The following NEK11 variants were observed in gnomAD, a reference collection of about 807,000 sequenced individuals.
The protein encoded by NEK11 is serine/threonine-protein kinase Nek11.
In NEK11, 72 loss-of-function variants were observed where a neutral mutation model predicts 80.7. That is an observed-to-expected ratio of 0.89 (90% confidence interval 0.74 to 1.08). NEK11 has a LOEUF of 1.08. Among genes scored for constraint, NEK11 ranks in the 50% least tolerant of loss-of-function variants. The pLI, the probability that NEK11 is intolerant of heterozygous loss-of-function variation, is 0.00. For synonymous variants in NEK11, 251 were observed against 260.7 expected (o/e 0.96, Z 0.36); for missense variants, 764 against 763.6 (o/e 1.00, Z -0.01).
chr3:131,165,426 A>G lies in NEK11; in HGVS notation c.1083A>G (p.Lys361=), dbSNP rs924058136. The G allele has an allele frequency of 3.1e-6, 5 of 1,590,472 alleles. No individual in the cohort carries two copies. The highest frequency in any genetic ancestry group is 4.5e-5 in the East Asian group (2 of 44,744). Reference sequence around the variant, plus strand: ...TTCTACATTCACTTTAAATTTACAGAAAGATTGTGGAAGAAAAATATGAAG... The same window carrying G: ...TTCTACATTCACTTTAAATTTACAGGAAGATTGTGGAAGAAAAATATGAAG... The part of the protein sequence containing the change: ...QAADEKARKL[K]KIVEEKYEEN... The change falls in exon 12 of 18, where the codon AAA becomes AAG. Residue 361 remains lysine (K), a splice_region_variant and synonymous_variant. Coordinates refer to ENST00000383366, the MANE Select transcript of NEK11 (RefSeq NM_024800.5).
At chr3:131,141,125 C>T (rs2086802022) in intron 7 of NEK11, among the ~76,000 whole-genome samples, 1 of 152,046 alleles carries the variant, frequency 6.6e-6, no homozygotes, top group Admixed American at 6.6e-5. Flanking sequence ...TAGCTCATAC[C>T]TTTAGCCTTA....
At chr3:131,163,927 T>C (rs1385871067) in intron 11 of NEK11, among the ~76,000 whole-genome samples, 1 of 152,202 alleles carries the variant, frequency 6.6e-6, no homozygotes, top group Non-Finnish European at 1.5e-5. Context: ...ATTTTTCTTA[T>C]TTTTTCTTCC....
Position 131,132,782 on chromosome 3 carries a change from T to G in NEK11, c.493T>G (p.Phe165Val). ...LHRDLKSKNV[F>V]LKNNLLKIGD... Reference sequence around the variant, plus strand: ...TCGAGACTTAAAGTCAAAGAATGTATTTCTGAAAAATAATCTCCTTAAAAT... The same window carrying G: ...TCGAGACTTAAAGTCAAAGAATGTAGTTCTGAAAAATAATCTCCTTAAAAT... Residue 165 changes from phenylalanine to valine, a missense_variant, in exon 6 of 18, where the codon TTT becomes GTT. Phe to Val is a conservative substitution (Grantham distance 50, BLOSUM62 -1). Transcript: ENST00000383366. 1 of 1,532,248 alleles carries G rather than the reference T, an allele frequency of 6.5e-7. No individual in the cohort carries two copies. The highest frequency in any genetic ancestry group is 1.4e-5 in the African/African-American group (1 of 72,256). 94.9% of individuals were successfully genotyped at this position (1,532,248 alleles called of 1,614,324 possible). A position where few individuals can be genotyped will look rare whatever the true frequency, so the allele number is the denominator to read the frequency against.
At chr3:131,247,444 T>C (rs992564593) in intron 16 of NEK11, among the ~76,000 whole-genome samples, 1 of 152,192 alleles carries the variant, frequency 6.6e-6, no homozygotes, top group African/African-American at 2.4e-5. Flanking sequence ...TATGGCTTTA[T>C]TTCTGGATTC....
chr3:131,032,746 T>C (rs1442970303), intron 3 of NEK11, among the ~76,000 whole-genome samples: 1 of 152,250 alleles, frequency 6.6e-6, no homozygotes, highest in Non-Finnish European at 1.5e-5. Context: ...CTCATAGGAT[T>C]GTAATAAGAA....
intron 17 of NEK11, among the ~76,000 whole-genome samples, chr3:131,287,852 T>G (rs1320609236): frequency 6.6e-6 from 1 of 152,174 alleles, no homozygotes; most frequent in Non-Finnish European, 1.5e-5. Flanking sequence ...AAGGCTGAGA[T>G]TTTGGTTTGC....
At chr3:131,288,965 C>G (rs1481256376) in intron 17 of NEK11, among the ~76,000 whole-genome samples, 1 of 152,168 alleles carries the variant, frequency 6.6e-6, no homozygotes, top group Non-Finnish European at 1.5e-5. Flanking sequence ...ACATTCCTTT[C>G]CCCTCCCAGA....
At chr3:131,203,761 GTGTGTGTATATATA>G (rs1560948538) in intron 14 of NEK11, among the ~76,000 whole-genome samples, 26 of 33,906 alleles carry the variant, frequency 7.7e-4, no homozygotes, top group African/African-American at 2.7e-3. Flanking sequence ...GTGTGTGTGT[GTGTGTGTATATATA>G]TATATATATA....
chr3:131,153,703 C>T (rs770126856), intron 9 of NEK11, among the ~76,000 whole-genome samples: 2 of 152,140 alleles, frequency 1.3e-5, no homozygotes, highest in African/African-American at 4.8e-5. Flanking sequence ...TAGTTGAGTG[C>T]TGGGCACTGT....
intron 15 of NEK11, among the ~76,000 whole-genome samples, chr3:131,238,274 T>C (rs955845320): frequency 6.6e-6 from 1 of 152,182 alleles, no homozygotes; most frequent in East Asian, 1.9e-4. Context: ...TTTATTGCCG[T>C]CTGAGTGGCC....
chr3:131,106,336 A>G (rs2079181157), intron 4 of NEK11, among the ~76,000 whole-genome samples: 1 of 148,226 alleles, frequency 6.7e-6, no homozygotes, highest in Admixed American at 6.8e-5. Flanking sequence ...AGTTTCTGGT[A>G]TAGAAAGGAC....
rs770802201 is a variant in NEK11, at chr3:131,349,567, C to G, written c.1729C>G (p.Gln577Glu). 1 of 1,613,594 alleles carries G rather than the reference C, an allele frequency of 6.2e-7. No homozygotes were observed. Among genetic ancestry groups the G allele is most frequent in the Admixed American group, 1.7e-5 (1 of 60,008 alleles). The change falls in exon 18 of 18, where the codon CAG becomes GAG. Residue 577 changes from glutamine (Q) to glutamate (E), a missense_variant. Transcript: ENST00000383366. The part of the protein sequence containing the change: ...KMKRMRESAM[Q>E]KLGTEVFEEV... ...TAACTTTTTTGACAGATCAGCCATGCAGAAGCTGGGGACAGAAGTATTTGA... is the reference window on the plus strand; with the variant it reads ...TAACTTTTTTGACAGATCAGCCATGGAGAAGCTGGGGACAGAAGTATTTGA...
At chr3:131,317,649 C>T (rs2096853903) in intron 17 of NEK11, among the ~76,000 whole-genome samples, 1 of 151,262 alleles carries the variant, frequency 6.6e-6, no homozygotes, top group Admixed American at 6.6e-5. Flanking sequence ...AATCCTAGCA[C>T]TTTGGGAGGC....
Position 131,079,970 on chromosome 3 carries a change from A to G in NEK11, c.171-453A>G, listed in dbSNP as rs576086539. Among the ~76,000 whole-genome samples the G allele has an allele frequency of 5.9e-5, 9 of 152,238 alleles. No homozygotes were observed. The South Asian group carries it at 1.9e-3, about 32-fold the overall frequency. ...AAGAGGCAGAGACACAGAAGGAAAG[A>G]TAGGCAAAGAAAGAATAAGATACAG... On this transcript the variant is annotated intron_variant, in intron 3 of 17. Transcript: ENST00000383366.
At chr3:131,286,127 T>A (rs1356363017) in intron 17 of NEK11, among the ~76,000 whole-genome samples, 1 of 152,238 alleles carries the variant, frequency 6.6e-6, no homozygotes, top group Non-Finnish European at 1.5e-5. Flanking sequence ...TGAGTTAGTG[T>A]CTCATTGACT....
chr3:131,228,226 G>T (rs1015643226), intron 14 of NEK11, among the ~76,000 whole-genome samples: 8 of 152,010 alleles, frequency 5.3e-5, no homozygotes, highest in African/African-American at 1.9e-4. Context: ...TTTTAATAAG[G>T]ATTCATGCCT....
At chr3:131,319,724 A>G (rs1009975611) in intron 17 of NEK11, among the ~76,000 whole-genome samples, 24 of 152,158 alleles carry the variant, frequency 1.6e-4, no homozygotes, top group African/African-American at 5.8e-4. Flanking sequence ...TCTTTCACAC[A>G]TGCAAAAAAT....
chr3:131,109,998 C>A, intron 5 of NEK11, 77 bp downstream of exon 5: 2 of 1,458,972 alleles, frequency 1.4e-6, no homozygotes, highest in Non-Finnish European at 1.8e-6. Flanking sequence ...AATTTTTTTT[C>A]TATAATTGAA....
At chr3:131,184,833 C>G (rs899824302) in intron 14 of NEK11, 8 of 469,294 alleles carry the variant, frequency 1.7e-5, no homozygotes, top group African/African-American at 8.1e-5. Flanking sequence ...TTTATGGATA[C>G]CCCTACATTT....
Sources: gnomAD v4.1 joint callset for allele counts (sites outside exome capture counted in the v4.1 genomes callset) on GRCh38, gnomAD v4.1.1 for gene constraint, MANE v1.5 for transcripts, NCBI Gene and HGNC (gene_info 2026-07-23, HGNC 2026-07-21) for gene names.